CSMD1: variants seen among roughly 807,000 people sequenced by gnomAD.
CSMD1 encodes the protein CUB and Sushi multiple domains 1.
Under a neutral mutation model 417.5 loss-of-function variants are expected in CSMD1, and 213 were observed. That is an observed-to-expected ratio of 0.51 (90% confidence interval 0.46 to 0.57). CSMD1 has a LOEUF of 0.57. Ranked by LOEUF, CSMD1 falls within the 20% of genes least tolerant of loss-of-function variation. The probability of loss-of-function intolerance (pLI) is 0.00; values close to 1 mark genes in which losing one functional copy is unlikely to be tolerated. For synonymous variants in CSMD1, 2,862 were observed against 1,736.8 expected, an observed-to-expected ratio of 1.65 and a Z score of -16.11; for missense variants, 6,923 against 4,529.7, an observed-to-expected ratio of 1.53 and a Z score of -15.17.
chr8:3,350,707 T>C (rs940424370), intron 21 of CSMD1, among the ~76,000 whole-genome samples: 9 of 152,156 alleles, frequency 5.9e-5, no homozygotes, highest in African/African-American at 2.2e-4. Flanking sequence ...TTTAGGACAT[T>C]AGCTATATAA....
At chr8:4,180,515 C>T (rs916345253) in intron 3 of CSMD1, among the ~76,000 whole-genome samples, 1 of 151,358 alleles carries the variant, frequency 6.6e-6, no homozygotes, top group Admixed American at 6.6e-5. Flanking sequence ...CAGCATGGCA[C>T]ATGTATACAT....
intron 5 of CSMD1, among the ~76,000 whole-genome samples, chr8:3,910,676 C>T (rs1018345856): frequency 1.3e-5 from 2 of 152,144 alleles, no homozygotes; most frequent in Non-Finnish European, 2.9e-5. Flanking sequence ...AATCTATAAT[C>T]TATTTTCCCC....
At chr8:3,195,261 G>A (rs189066260) in intron 33 of CSMD1, among the ~76,000 whole-genome samples, 2 of 152,272 alleles carry the variant, frequency 1.3e-5, no homozygotes, top group East Asian at 1.9e-4. Flanking sequence ...AGAAGACAGG[G>A]CAGGGTGGGC....
At chr8:4,562,967 C>T (rs1032253717) in intron 2 of CSMD1, among the ~76,000 whole-genome samples, 1 of 152,038 alleles carries the variant, frequency 6.6e-6, no homozygotes, top group Non-Finnish European at 1.5e-5. Flanking sequence ...CACAGGTAAG[C>T]AAAATCTATC....
chr8:4,260,945 C>G (rs1056320480), intron 3 of CSMD1, among the ~76,000 whole-genome samples: 4 of 152,128 alleles, frequency 2.6e-5, no homozygotes, highest in Non-Finnish European at 5.9e-5. Context: ...GTGTATTTTT[C>G]TACTCTACCT....
chr8:4,143,271 A>G (rs1803902912), intron 3 of CSMD1, among the ~76,000 whole-genome samples: 1 of 151,110 alleles, frequency 6.6e-6, no homozygotes, highest in Non-Finnish European at 1.5e-5. Flanking sequence ...TTGTCCTCAA[A>G]GAAATTTCTC....
In CSMD1 at chr8:3,492,518, C is replaced by G. The variant is rs576940984; in HGVS notation, c.1448+1105G>C. ...GATCTACAACATGAAGAGAAGCTAT[C>G]TGTGGAGTTGCAAAGGCAGATAAGA... On this transcript the variant is annotated intron_variant, in intron 11 of 69. Transcript: ENST00000635120. Among the ~76,000 whole-genome samples, 13 of 152,302 alleles carry G rather than the reference C, an allele frequency of 8.5e-5. No individual in the cohort carries two copies. The East Asian group carries it at 2.5e-3, about 30-fold the overall frequency.
At chr8:3,903,181 G>C (rs1030637961) in intron 5 of CSMD1, among the ~76,000 whole-genome samples, 4 of 152,078 alleles carry the variant, frequency 2.6e-5, no homozygotes, top group African/African-American at 9.7e-5. Context: ...TGAGTATTAA[G>C]TGTTCTTCTT....
rs1423779706 is a variant in CSMD1, at chr8:3,353,032, G to C, written c.3305-4871C>G. 3.9e-5 allele frequency among the ~76,000 whole-genome samples: 6 copies of C among 152,252 alleles called. No homozygotes were observed. In the East Asian group the frequency reaches 1.2e-3, roughly 29 times the overall value. On this transcript the variant is annotated intron_variant, in intron 21 of 69. Coordinates refer to ENST00000635120, the MANE Select transcript of CSMD1 (RefSeq NM_033225.6). ...CACACAGGTGTGAGAGGGAAACTAT[G>C]ATTTGAACCCCAGGCAATCTGTTAT...
chr8:4,542,392 G>C (rs1311100943), intron 2 of CSMD1, among the ~76,000 whole-genome samples: 2 of 152,070 alleles, frequency 1.3e-5, no homozygotes, highest in African/African-American at 2.4e-5. Flanking sequence ...TTTCTCTTCA[G>C]AAGAATAACC....
chr8:4,104,586 T>C (rs1801473526), intron 3 of CSMD1, among the ~76,000 whole-genome samples: 1 of 151,644 alleles, frequency 6.6e-6, no homozygotes, highest in Non-Finnish European at 1.5e-5. Flanking sequence ...AATGAATTAA[T>C]AATTGCATGA....
intron 5 of CSMD1, among the ~76,000 whole-genome samples, chr8:3,793,745 T>C (rs1315992258): frequency 6.6e-6 from 1 of 152,142 alleles, no homozygotes; most frequent in Admixed American, 6.5e-5. Flanking sequence ...TTTCGTAGGA[T>C]CTCTCTGGAA....
chr8:2,953,332 G>A (rs1157957845), intron 65 of CSMD1, among the ~76,000 whole-genome samples: 1 of 151,774 alleles, frequency 6.6e-6, no homozygotes, highest in African/African-American at 2.4e-5. Flanking sequence ...AGAATTAAAT[G>A]TGTCACACAG....
At chr8:3,978,817 T>G (rs750018209) in intron 5 of CSMD1, among the ~76,000 whole-genome samples, 1 of 152,060 alleles carries the variant, frequency 6.6e-6, no homozygotes, top group African/African-American at 2.4e-5. Flanking sequence ...CATCGGTGAT[T>G]TACTGAGGTC....
chr8:4,901,317 C>G (rs988425899), intron 1 of CSMD1, among the ~76,000 whole-genome samples: 2 of 152,158 alleles, frequency 1.3e-5, no homozygotes, highest in Non-Finnish European at 2.9e-5. Context: ...CTTGTGTCAT[C>G]TGAACACAAA....
chr8:3,276,364 C>A (rs534634398), intron 26 of CSMD1, among the ~76,000 whole-genome samples: 25 of 152,292 alleles, frequency 1.6e-4, no homozygotes, highest in African/African-American at 5.3e-4. Context: ...TCTTCTGTGT[C>A]GTTCACGCTG....
intron 18 of CSMD1, among the ~76,000 whole-genome samples, chr8:3,380,828 T>A (rs1288061992): frequency 1.3e-5 from 2 of 151,768 alleles, no homozygotes; most frequent in Admixed American, 6.6e-5. Context: ...CACCATGGCG[T>A]GTGTATACCT....
chr8:4,778,330 G>T (rs1311595480), intron 1 of CSMD1, among the ~76,000 whole-genome samples: 3 of 152,038 alleles, frequency 2.0e-5, no homozygotes, highest in African/African-American at 2.4e-5. Context: ...ACCATATGTG[G>T]CCTATGATAT....
At chr8:4,323,586 G>C (rs560112198) in intron 3 of CSMD1, among the ~76,000 whole-genome samples, 27 of 152,282 alleles carry the variant, frequency 1.8e-4, no homozygotes, top group South Asian at 6.2e-4. Flanking sequence ...AGGTGTTTGA[G>C]TGGCTGATAC....
Sources: gnomAD v4.1 joint callset for allele counts (sites outside exome capture counted in the v4.1 genomes callset) on GRCh38, gnomAD v4.1.1 for gene constraint, MANE v1.5 for transcripts, NCBI Gene and HGNC (gene_info 2026-07-23, HGNC 2026-07-21) for gene names.